GRSF1: variants seen among roughly 807,000 people sequenced by gnomAD.
GRSF1 encodes G-rich sequence factor 1.
A neutral mutation model predicts 51.1 loss-of-function variants in GRSF1; 50 were observed. The ratio of observed to expected loss-of-function variants is 0.98; its 90% CI spans 0.78 to 1.24. The LOEUF is 1.24. Among genes scored for constraint, GRSF1 ranks in the 50% most tolerant of loss-of-function variants. The pLI is 0.00. For missense variants in GRSF1, 700 were observed against 639.7 expected (o/e 1.09, Z -1.02); for synonymous variants, 293 against 253.3 (o/e 1.16, Z -1.49).
rs556932482 is a variant in GRSF1, at chr4:70,831,522, G to A, written c.950+17C>T. 10 of 1,608,304 alleles carry A rather than the reference G, an allele frequency of 6.2e-6. No individual in the cohort carries two copies. In the South Asian group the frequency reaches 8.8e-5, roughly 14 times the overall value. On this transcript the variant is annotated intron_variant, in intron 5 of 9. Coordinates refer to ENST00000254799, the MANE Select transcript of GRSF1 (RefSeq NM_002092.4). ...AATGTGTAACACTTCTGCATCATTA[G>A]TATCTGCTTTACTCACCGATTACCA...
intron 3 of GRSF1, 139 bp downstream of exon 3, chr4:70,832,979 T>C (rs1734048468): frequency 5.3e-6 from 4 of 755,602 alleles, no homozygotes; most frequent in Non-Finnish European, 8.2e-6. Context: ...TATCTCTTTA[T>C]GTTTTATTTT....
upstream of GRSF1, among the ~76,000 whole-genome samples, chr4:70,840,221 G>C (rs1020980306): frequency 1.2e-3 from 182 of 150,408 alleles, no homozygotes; most frequent in Admixed American, 2.4e-3. Flanking sequence ...GCTGCCCATG[G>C]TTTGGGCGGG....
chr4:70,835,486 TCA>T (rs1398351709), intron 2 of GRSF1, among the ~76,000 whole-genome samples: 1 of 140,268 alleles, frequency 7.1e-6, no homozygotes, highest in Non-Finnish European at 1.6e-5. Flanking sequence ...AGACAGAGTC[TCA>T]CTCTGTCGCC....
intron 6 of GRSF1, among the ~76,000 whole-genome samples, chr4:70,827,349 CTTAAT>C (rs1025180252): frequency 2.0e-5 from 3 of 151,976 alleles, no homozygotes; most frequent in African/African-American, 7.2e-5. Context: ...CTTCCCCCAT[CTTAAT>C]TTAAATGTTG....
intron 1 of GRSF1, chr4:70,838,971 TC>T: frequency 2.5e-6 from 1 of 393,442 alleles, no homozygotes; most frequent in Admixed American, 3.8e-5. Context: ...ACAGGCTCCT[TC>T]CCTACAAGCC....
rs559633526 is a variant in GRSF1, at chr4:70,829,525, G to A, written c.951-1489C>T. ...AAAAATTAGCTGGGTGTGGTGGCAT[G>A]TATCTGTAGTCCCAGCTACTTGGGA... On this transcript the variant is annotated intron_variant, in intron 5 of 9. Coordinates refer to ENST00000254799, the MANE Select transcript of GRSF1 (RefSeq NM_002092.4). Among the ~76,000 whole-genome samples, 92 of 152,138 alleles carry A rather than the reference G, an allele frequency of 6.0e-4. 1 individual carries two copies. Among genetic ancestry groups the A allele is most frequent in the Admixed American group, 1.0e-3 (16 of 15,268 alleles).
At chr4:70,834,769 G>GT (rs1027823189) in intron 2 of GRSF1, among the ~76,000 whole-genome samples, 3 of 152,040 alleles carry the variant, frequency 2.0e-5, no homozygotes, top group Non-Finnish European at 4.4e-5. Context: ...CTACGGGAGC[G>GT]TGCCACCACG....
chr4:70,819,713 T>A lies in GRSF1; in HGVS notation c.*1174A>T, dbSNP rs1733432838. 1 of 152,614 alleles carries A rather than the reference T, an allele frequency of 6.6e-6. No homozygotes were observed. The highest frequency in any genetic ancestry group is 2.1e-4 in the South Asian group (1 of 4,832). 9.5% of individuals were successfully genotyped at this position (152,614 alleles called of 1,614,324 possible). On this transcript the variant is annotated 3_prime_UTR_variant, in exon 10 of 10. Transcript: ENST00000254799. ...GAACTGCATCTCCTGGTGGCAGTCG[T>A]CACCCTGAGAACAGGAACAAGGCAA...
rs369731364 is a variant in GRSF1, at chr4:70,836,219, G to A, written c.453C>T (p.Leu151=). Reference sequence around the variant, plus strand: ...ACCAGGGCAGTCCTTGAGCTCGAATGAGAAAGACATCATCCACTTCCTCTT... The same window carrying A: ...ACCAGGGCAGTCCTTGAGCTCGAATAAGAAAGACATCATCCACTTCCTCTT... ...KLEEEVDDVF[L]IRAQGLPWSC... is the part of the protein sequence containing the mutation. Residue 151 remains leucine (L), a synonymous_variant, in exon 2 of 10, where the codon CTC becomes CTT. Transcript: ENST00000254799. 21 of 1,609,918 alleles carry A rather than the reference G, an allele frequency of 1.3e-5. No homozygotes were observed. The Admixed American group carries it at 1.5e-4, about 12-fold the overall frequency.
rs553962074 is a variant in GRSF1 at position 70,815,974 on chromosome 4, C to A, written c.*4913G>T. ...ATACAAACATGCTGAGTAAAAGGAA[C>A]TTACAGAATACATACTGCATAAGTG... On this transcript the variant is annotated 3_prime_UTR_variant, in exon 10 of 10. Coordinates refer to ENST00000254799, the MANE Select transcript of GRSF1 (RefSeq NM_002092.4). The A allele has an allele frequency of 6.6e-6, 1 of 152,290 alleles. No individual in the cohort carries two copies. Among genetic ancestry groups the A allele is most frequent in the African/African-American group, 2.4e-5 (1 of 41,558 alleles). 9.4% of individuals were successfully genotyped at this position (152,290 alleles called of 1,614,324 possible).
intron 9 of GRSF1, among the ~76,000 whole-genome samples, chr4:70,822,072 T>C (rs1212923061): frequency 1.3e-5 from 2 of 151,220 alleles, no homozygotes; most frequent in South Asian, 2.1e-4. Context: ...ATACTTACAA[T>C]ACCTTATGGG....
At chr4:70,830,306 G>A (rs552859888) in intron 5 of GRSF1, among the ~76,000 whole-genome samples, 1 of 152,178 alleles carries the variant, frequency 6.6e-6, no homozygotes, top group African/African-American at 2.4e-5. Context: ...ACAGCCAGGT[G>A]TGGCGGCACA....
rs1733301844 is a variant in GRSF1 at position 70,816,256 on chromosome 4, A to G, written c.*4631T>C. On this transcript the variant is annotated 3_prime_UTR_variant, in exon 10 of 10. Coordinates refer to ENST00000254799, the MANE Select transcript of GRSF1 (RefSeq NM_002092.4). ...TCCCAGCTACTCGGGAGGCTGAGGC[A>G]GGAGACTCCCTTGAACCCAGGAGGT... is the stretch of plus-strand genomic sequence containing the variant. 1 of 151,286 alleles carries G rather than the reference A, an allele frequency of 6.6e-6. No individual in the cohort carries two copies. Among genetic ancestry groups the G allele is most frequent in the African/African-American group, 2.4e-5 (1 of 41,112 alleles). 9.4% of individuals were successfully genotyped at this position (151,286 alleles called of 1,614,324 possible).
chr4:70,839,560 C>T lies in GRSF1; in HGVS notation c.268G>A (p.Ala90Thr), dbSNP rs1160618118. The T allele has an allele frequency of 7.0e-7, 1 of 1,422,112 alleles. No individual in the cohort carries two copies. The highest frequency in any genetic ancestry group is 2.7e-5 in the Admixed American group (1 of 37,032). The allele number at this position is 1,422,112 out of a possible 1,614,324, so 88.1% of individuals were successfully genotyped here. Residue 90 changes from alanine (A) to threonine (T), a missense_variant, in exon 1 of 10, where the codon GCC (alanine) becomes ACC (threonine). Transcript: ENST00000254799. The part of the protein sequence containing the change: ...PAVATSAAAA[A>T]AASYSALRAS... ...CGGAGGGCAGAGTAGGACGCGGCGG[C>T]CGCGGCCGCGGCAGAGGTGGCCACA...
chr4:70,830,384 G>A (rs1578301509), intron 5 of GRSF1, among the ~76,000 whole-genome samples: 2 of 151,414 alleles, frequency 1.3e-5, no homozygotes, highest in South Asian at 4.2e-4. Flanking sequence ...ATTCAAGGCT[G>A]TAGTGAGCTA....
At chr4:70,840,239 A>G (rs968506899), upstream of GRSF1, among the ~76,000 whole-genome samples, 5 of 151,522 alleles carry the variant, frequency 3.3e-5, no homozygotes, top group African/African-American at 1.2e-4. Context: ...GGGGCTGCCC[A>G]TGGTTTGGGC....
chr4:70,824,073 T>G (rs1243398689), intron 9 of GRSF1, among the ~76,000 whole-genome samples: 1 of 147,132 alleles, frequency 6.8e-6, no homozygotes, highest in Non-Finnish European at 1.5e-5. Context: ...CGGGTTCAAG[T>G]GATTCTCCCG....
intron 1 of GRSF1, among the ~76,000 whole-genome samples, chr4:70,837,926 A>T (rs1158349637): frequency 6.6e-6 from 1 of 151,638 alleles, no homozygotes; most frequent in Non-Finnish European, 1.5e-5. Flanking sequence ...CCCTATCTAT[A>T]ATTTTCATTA....
Position 70,815,989 on chromosome 4 carries a change from C to T in GRSF1, c.*4898G>A, listed in dbSNP as rs1416063858. 6.6e-6 allele frequency: 1 copy of T among 152,204 alleles called. No homozygotes were observed. Among genetic ancestry groups the T allele is most frequent in the Non-Finnish European group, 1.5e-5 (1 of 68,034 alleles). 9.4% of individuals were successfully genotyped at this position (152,204 alleles called of 1,614,324 possible). On this transcript the variant is annotated 3_prime_UTR_variant, in exon 10 of 10. Coordinates refer to ENST00000254799, the MANE Select transcript of GRSF1 (RefSeq NM_002092.4). The stretch of plus-strand genomic sequence containing the variant: ...GTAAAAGGAACTTACAGAATACATA[C>T]TGCATAAGTGAGTCCGTTATATGAA...
Sources: allele counts gnomAD v4.1 joint callset (sites outside exome capture counted in the v4.1 genomes callset), GRCh38; gene constraint gnomAD v4.1.1; transcripts MANE v1.5; gene names NCBI Gene and HGNC (gene_info 2026-07-23, HGNC 2026-07-21).